VEGFD: variants seen among roughly 807,000 people sequenced by gnomAD.
VEGFD encodes the protein vascular endothelial growth factor D, also known as c-fos induced growth factor (vascular endothelial growth factor D).
VEGFD carries 26 observed loss-of-function variants against 28.0 expected under a neutral mutation model. That is an observed-to-expected ratio of 0.93 (90% CI 0.68 to 1.29). The LOEUF (loss-of-function observed/expected upper bound fraction) is 1.29. Among genes scored for constraint, VEGFD ranks in the 50% most tolerant of loss-of-function variants. VEGFD has a pLI of 0.00. For synonymous variants in VEGFD, 93 were observed against 95.5 expected (o/e 0.97, Z 0.15); for missense variants, 294 against 273.4 (o/e 1.08, Z -0.53).
chrX:15,347,381 T>C, intron 5 of VEGFD, 22 bp from the exon 6 acceptor site: 1 of 1,159,631 alleles, frequency 8.6e-7, no homozygotes, highest in Non-Finnish European at 1.2e-6. Flanking sequence ...CAGAAACGTG[T>C]TGGTCAGATA....
chrX:15,362,736 A>G (rs1352110031), intron 2 of VEGFD, among the ~76,000 whole-genome samples: 2 of 111,147 alleles, frequency 1.8e-5, no homozygotes, highest in African/African-American at 6.5e-5. Context: ...GTTTTTGTCT[A>G]TGTATGTATG....
chrX:15,375,940 C>T (rs1461816750), intron 1 of VEGFD, among the ~76,000 whole-genome samples: 3 of 111,348 alleles, frequency 2.7e-5, no homozygotes, highest in African/African-American at 9.8e-5. Flanking sequence ...TCTCACTTGA[C>T]ATAACTGTGC....
In VEGFD at chrX:15,347,204, A is replaced by C. The variant is rs746783235; in HGVS notation, c.898T>G (p.Cys300Gly). ...TGAAATAGCTTGTGCTTCTGGCAGC[A>C]GGTCTCCAGACTTTCTTTGCACTCA... ...CFECKESLET[C>G]CQKHKLFHPD... The change falls in exon 6 of 7, where the codon TGC becomes GGC. Residue 300 changes from cysteine to glycine, a missense_variant. Cys to Gly is a radical substitution (Grantham distance 159). Coordinates refer to ENST00000297904, the MANE Select transcript of VEGFD (RefSeq NM_004469.5). The C allele has an allele frequency of 2.5e-5, 30 of 1,209,386 alleles. No homozygotes were observed. The highest frequency in any genetic ancestry group is 3.2e-5 in the Non-Finnish European group (29 of 894,897).
chrX:15,375,481 C>G (rs1923415822), intron 1 of VEGFD, among the ~76,000 whole-genome samples: 1 of 111,754 alleles, frequency 8.9e-6, no homozygotes, highest in African/African-American at 3.3e-5. Context: ...TCAGATGGAA[C>G]CTGCCAAGGG....
At chrX:15,375,344 G>A (rs1264112745) in intron 1 of VEGFD, among the ~76,000 whole-genome samples, 4 of 112,183 alleles carry the variant, frequency 3.6e-5, no homozygotes, top group Non-Finnish European at 7.5e-5. Context: ...ACATTTTGAT[G>A]TTTTGTTATT....
intron 2 of VEGFD, among the ~76,000 whole-genome samples, chrX:15,361,871 GT>G (rs1044217855): frequency 1.6e-4 from 17 of 109,423 alleles, no homozygotes; most frequent in Admixed American, 8.7e-4. Context: ...GTTTTGTTTT[GT>G]TTTTTTGTTT....
chrX:15,351,030 T>A (rs1346758169), intron 5 of VEGFD, among the ~76,000 whole-genome samples: 1 of 65,472 alleles, frequency 1.5e-5, no homozygotes, highest in Admixed American at 1.6e-4. Flanking sequence ...CCCAGCTATT[T>A]TTTTTTTTTT....
At chrX:15,365,995 AGTTTGTTT>A (rs569822664) in intron 1 of VEGFD, among the ~76,000 whole-genome samples, 18 of 109,131 alleles carry the variant, frequency 1.6e-4, no homozygotes, top group South Asian at 7.8e-4. Context: ...TATTCTTCCT[AGTTTGTTT>A]GTTTGTTTGT....
Position 15,384,231 on chromosome X carries a change from C to T in VEGFD, c.-285G>A. ...GTCTTCTACCTGAAATTAGAAAGCA[C>T]TCTAAATTTACTTCATGTCCAGAAA... On this transcript the variant is annotated 5_prime_UTR_variant, in exon 1 of 7. The change creates a new upstream start codon in the 5' untranslated region. Coordinates refer to ENST00000297904, the MANE Select transcript of VEGFD (RefSeq NM_004469.5). 4.5e-6 allele frequency: 1 copy of T among 220,799 alleles called. No homozygotes were observed. The highest frequency in any genetic ancestry group is 8.1e-6 in the Non-Finnish European group (1 of 123,673). The allele number at this position is 220,799 out of a possible 1,213,427, so 18.2% of individuals were successfully genotyped here.
chrX:15,360,444 T>C (rs1432268530), intron 2 of VEGFD, among the ~76,000 whole-genome samples: 1 of 108,798 alleles, frequency 9.2e-6, no homozygotes, highest in Non-Finnish European at 1.9e-5. Context: ...GTTCAAGCGA[T>C]TCTCCTGCCT....
At chrX:15,363,377 A>ATT in intron 1 of VEGFD, 58 bp from the exon 2 acceptor site, 1 of 963,226 alleles carries the variant, frequency 1.0e-6, no homozygotes, top group Non-Finnish European at 1.4e-6. Context: ...AATTTGTCAT[A>ATT]ATAATCTTCA....
intron 1 of VEGFD, among the ~76,000 whole-genome samples, chrX:15,367,612 G>C (rs1368181937): frequency 9.0e-6 from 1 of 111,406 alleles, no homozygotes; most frequent in African/African-American, 3.3e-5. Context: ...TAGAGTTGAA[G>C]CATATTGAAA....
At chrX:15,372,160 T>C (rs1443083354) in intron 1 of VEGFD, among the ~76,000 whole-genome samples, 1 of 112,068 alleles carries the variant, frequency 8.9e-6, no homozygotes, top group Admixed American at 9.5e-5. Context: ...TATTTGTAAA[T>C]AGAATCAAGA....
chrX:15,364,083 ATTTG>A (rs770414636), intron 1 of VEGFD, among the ~76,000 whole-genome samples: 1 of 111,999 alleles, frequency 8.9e-6, no homozygotes, highest in South Asian at 3.7e-4. Context: ...CATCTCTGTT[ATTTG>A]TTTGAGAAAT....
chrX:15,347,642 T>C (rs1424326746), intron 5 of VEGFD, among the ~76,000 whole-genome samples: 1 of 112,228 alleles, frequency 8.9e-6, no homozygotes, highest in Non-Finnish European at 1.9e-5. Flanking sequence ...TGATGACTTG[T>C]TTAGAATGCA....
chrX:15,381,410 C>T (rs952710961), intron 1 of VEGFD, among the ~76,000 whole-genome samples: 1 of 110,609 alleles, frequency 9.0e-6, no homozygotes, highest in African/African-American at 3.3e-5. Context: ...CATCACCATC[C>T]ATTCTGGAAA....
chrX:15,354,862 C>A (rs1238060310), intron 4 of VEGFD, among the ~76,000 whole-genome samples: 1 of 111,292 alleles, frequency 9.0e-6, no homozygotes, highest in African/African-American at 3.3e-5. Context: ...GAGGTTACAG[C>A]GGTTTTACAC....
intron 1 of VEGFD, among the ~76,000 whole-genome samples, chrX:15,374,348 T>C (rs1923383555): frequency 8.9e-6 from 1 of 112,021 alleles, no homozygotes; most frequent in South Asian, 3.7e-4. Flanking sequence ...GGGTGAACGG[T>C]TCAGCAATCG....
At chrX:15,374,697 C>T (rs1280141128) in intron 1 of VEGFD, among the ~76,000 whole-genome samples, 1 of 110,167 alleles carries the variant, frequency 9.1e-6, no homozygotes, top group African/African-American at 3.3e-5. Context: ...CATAGAACTA[C>T]ACACCAAAAG....
Sources: allele counts gnomAD v4.1 joint callset (sites outside exome capture counted in the v4.1 genomes callset), GRCh38; gene constraint gnomAD v4.1.1; transcripts MANE v1.5; gene names NCBI Gene and HGNC (gene_info 2026-07-23, HGNC 2026-07-21).